MED13L: variants seen among roughly 807,000 people sequenced by gnomAD.
The protein encoded by MED13L is mediator complex subunit 13L.
A neutral mutation model predicts 220.9 loss-of-function variants in MED13L; 7 were observed. The ratio of observed to expected loss-of-function variants is 0.03; its 90% confidence interval spans 0.02 to 0.06. The LOEUF (loss-of-function observed/expected upper bound fraction) is 0.06, where lower values mean the gene tolerates loss of function less well. MED13L is among the 10% of genes least tolerant of loss of function. The pLI is 1.00. For synonymous variants in MED13L, 1,011 were observed against 1,015.2 expected (o/e 1.00, Z 0.08); for missense variants, 1,965 against 2,760.5 (o/e 0.71, Z 6.46).
intron 2 of MED13L, among the ~76,000 whole-genome samples, chr12:116,156,632 AAG>A (rs1217776437): frequency 6.6e-6 from 1 of 152,202 alleles, no homozygotes; most frequent in Non-Finnish European, 1.5e-5. Context: ...TTAAGTTCAG[AAG>A]AGGTTTTATG....
chr12:116,111,390 G>T, intron 3 of MED13L, 38 bp downstream of exon 3: 1 of 1,539,356 alleles, frequency 6.5e-7, no homozygotes. Context: ...AATATACTTG[G>T]TTGTCTGCAA....
chr12:115,978,881 T>C (rs1043321664), intron 23 of MED13L, among the ~76,000 whole-genome samples: 10 of 152,200 alleles, frequency 6.6e-5, no homozygotes, highest in African/African-American at 2.4e-4. Flanking sequence ...ATTTGAAAAC[T>C]TGCATAATAA....
At chr12:116,253,765 T>G (rs535697186) in intron 1 of MED13L, among the ~76,000 whole-genome samples, 8 of 139,222 alleles carry the variant, frequency 5.7e-5, no homozygotes, top group East Asian at 2.0e-4. Flanking sequence ...TTTTTTTTTT[T>G]TTTTTTTTTT....
At chr12:116,204,710 T>G (rs1011475886) in intron 2 of MED13L, among the ~76,000 whole-genome samples, 2 of 152,184 alleles carry the variant, frequency 1.3e-5, no homozygotes, top group Non-Finnish European at 2.9e-5. Flanking sequence ...GACCCACTGT[T>G]TTCCCTAGAC....
intron 2 of MED13L, among the ~76,000 whole-genome samples, chr12:116,183,117 A>T (rs1880640647): frequency 6.6e-6 from 1 of 152,252 alleles, no homozygotes; most frequent in Non-Finnish European, 1.5e-5. Flanking sequence ...GCCACATTTT[A>T]AAAGGATCAG....
intron 2 of MED13L, among the ~76,000 whole-genome samples, chr12:116,119,939 G>A (rs1874894537): frequency 6.8e-6 from 1 of 147,094 alleles, no homozygotes; most frequent in South Asian, 2.1e-4. Flanking sequence ...GCAGCATACA[G>A]GGATCAAATG....
intron 2 of MED13L, among the ~76,000 whole-genome samples, chr12:116,134,240 T>C (rs1395649953): frequency 6.6e-6 from 1 of 152,132 alleles, no homozygotes; most frequent in Non-Finnish European, 1.5e-5. Context: ...ATAATCTGGA[T>C]GATTAGTGTT....
At chr12:116,243,155 T>C (rs1022890594) in intron 1 of MED13L, among the ~76,000 whole-genome samples, 4 of 148,752 alleles carry the variant, frequency 2.7e-5, no homozygotes, top group Non-Finnish European at 3.0e-5. Flanking sequence ...TTAGATAATA[T>C]GTACAACGAA....
chr12:116,152,095 A>G (rs1429155450), intron 2 of MED13L, among the ~76,000 whole-genome samples: 1 of 152,162 alleles, frequency 6.6e-6, no homozygotes, highest in Non-Finnish European at 1.5e-5. Flanking sequence ...CTACATGGAA[A>G]TATATTTGTT....
At chr12:115,989,893 C>T (rs186039704) in intron 17 of MED13L, among the ~76,000 whole-genome samples, 9 of 152,328 alleles carry the variant, frequency 5.9e-5, no homozygotes, top group Admixed American at 5.2e-4. Flanking sequence ...CCATTCCTGC[C>T]ACTTTCTAAT....
At chr12:116,078,888 A>G (rs1318908252) in intron 4 of MED13L, among the ~76,000 whole-genome samples, 1 of 152,228 alleles carries the variant, frequency 6.6e-6, no homozygotes, top group Non-Finnish European at 1.5e-5. Context: ...TTTTAAAAAG[A>G]ATATAAAACT....
intron 2 of MED13L, among the ~76,000 whole-genome samples, chr12:116,216,070 C>T (rs1197512896): frequency 6.6e-6 from 1 of 152,172 alleles, no homozygotes; most frequent in East Asian, 1.9e-4. Context: ...AGCTGAAATT[C>T]TAGCTATGAT....
At chr12:116,262,298 A>G (rs1439542644) in intron 1 of MED13L, among the ~76,000 whole-genome samples, 2 of 152,228 alleles carry the variant, frequency 1.3e-5, no homozygotes, top group Non-Finnish European at 2.9e-5. Context: ...TTATGTTCAC[A>G]TAACATACTA....
chr12:116,017,951 T>C (rs1013295988), intron 7 of MED13L, among the ~76,000 whole-genome samples: 15 of 151,660 alleles, frequency 9.9e-5, no homozygotes, highest in African/African-American at 3.6e-4. Context: ...TTTTTTTTTT[T>C]AACCATCTCA....
At chr12:115,969,382 T>C (rs1876416673) in intron 27 of MED13L, among the ~76,000 whole-genome samples, 1 of 152,050 alleles carries the variant, frequency 6.6e-6, no homozygotes, top group Non-Finnish European at 1.5e-5. Flanking sequence ...CAAAGACACA[T>C]AAAAGTATGG....
intron 2 of MED13L, among the ~76,000 whole-genome samples, chr12:116,136,381 A>G (rs1020681871): frequency 6.6e-6 from 1 of 152,224 alleles, no homozygotes; most frequent in African/African-American, 2.4e-5. Flanking sequence ...CTCATAACTG[A>G]GTATCACCAC....
At chr12:116,091,759 A>T (rs1359619833) in intron 4 of MED13L, among the ~76,000 whole-genome samples, 1 of 152,264 alleles carries the variant, frequency 6.6e-6, no homozygotes, top group Non-Finnish European at 1.5e-5. Flanking sequence ...TGCCAAATCT[A>T]ATAGTCTTTA....
intron 2 of MED13L, among the ~76,000 whole-genome samples, chr12:116,164,365 G>C (rs149903575): frequency 6.6e-6 from 1 of 152,004 alleles, no homozygotes; most frequent in African/African-American, 2.4e-5. Flanking sequence ...CCAAAATCTT[G>C]TAAGTATGAA....
chr12:116,268,159 C>G (rs1256216415), intron 1 of MED13L, among the ~76,000 whole-genome samples: 1 of 152,084 alleles, frequency 6.6e-6, no homozygotes, highest in Non-Finnish European at 1.5e-5. Context: ...AGAAGCTCAT[C>G]TGATGATCAG....
Sources: gnomAD v4.1 joint callset for allele counts (sites outside exome capture counted in the v4.1 genomes callset) on GRCh38, gnomAD v4.1.1 for gene constraint, MANE v1.5 for transcripts, NCBI Gene and HGNC (gene_info 2026-07-23, HGNC 2026-07-21) for gene names.